GRIN2A: variants seen among roughly 807,000 people sequenced by gnomAD.
GRIN2A encodes glutamate ionotropic receptor NMDA type subunit 2A.
Under a neutral mutation model 113.4 loss-of-function variants are expected in GRIN2A, and 22 were observed. The observed-to-expected ratio is 0.19, with a 90% confidence interval of 0.14 to 0.28. The LOEUF is 0.28. Ranked by LOEUF, GRIN2A falls within the 10% of genes least tolerant of loss-of-function variation. The pLI is 1.00. For synonymous variants in GRIN2A, 827 were observed against 738.4 expected, an observed-to-expected ratio of 1.12 and a Z score of -1.94; for missense variants, 1,502 against 1,887.0, an observed-to-expected ratio of 0.80 and a Z score of 3.78.
intron 4 of GRIN2A, among the ~76,000 whole-genome samples, chr16:9,872,975 T>C (rs533228731): frequency 6.6e-6 from 1 of 152,044 alleles, no homozygotes; most frequent in Non-Finnish European, 1.5e-5. Context: ...AGCCCAAGAG[T>C]TCGAGGCTGC....
At chr16:9,838,282 A>G (rs1276279232) in intron 7 of GRIN2A, among the ~76,000 whole-genome samples, 1 of 152,186 alleles carries the variant, frequency 6.6e-6, no homozygotes, top group Non-Finnish European at 1.5e-5. Context: ...TTGATCCAGC[A>G]ATTTCACTAC....
chr16:10,182,294 G>C lies in GRIN2A; in HGVS notation c.-436C>G, dbSNP rs1360946671. 6.6e-6 allele frequency: 1 copy of C among 152,278 alleles called. No homozygotes were observed. The highest frequency in any genetic ancestry group is 1.9e-4 in the East Asian group (1 of 5,174). 9.4% of individuals were successfully genotyped at this position (152,278 alleles called of 1,614,324 possible). A position where few individuals can be genotyped will look rare whatever the true frequency, so the allele number is the denominator to read the frequency against. On this transcript the variant is annotated 5_prime_UTR_variant, in exon 1 of 13. Coordinates refer to ENST00000330684, the MANE Select transcript of GRIN2A (RefSeq NM_001134407.3). ...TCCACTCCAGGGTGCACAGGAGAAT[G>C]GGAGCCCCAGGTTGGCCACCCACGA... is the stretch of plus-strand genomic sequence containing the variant.
At chr16:10,130,203 T>C (rs1002267232) in intron 2 of GRIN2A, among the ~76,000 whole-genome samples, 1 of 152,172 alleles carries the variant, frequency 6.6e-6, no homozygotes, top group Admixed American at 6.5e-5. Flanking sequence ...GGAACGCTGG[T>C]CCCTGGGACT....
At chr16:10,110,302 A>G (rs889411605) in intron 2 of GRIN2A, among the ~76,000 whole-genome samples, 1 of 152,218 alleles carries the variant, frequency 6.6e-6, no homozygotes, top group African/African-American at 2.4e-5. Flanking sequence ...GAACGTGGTA[A>G]TGGATGAGAC....
rs528535550 is a variant in GRIN2A at position 9,997,296 on chromosome 16, C to G, written c.415-58745G>C. On this transcript the variant is annotated intron_variant, in intron 2 of 12. Transcript: ENST00000330684. ...AAAAGCTCTCACCATTCAACACTCC[C>G]CACTCCCAATGTTCCCACTCCAAAT... Among the ~76,000 whole-genome samples the G allele has an allele frequency of 2.6e-5, 4 of 152,230 alleles. No individual in the cohort carries two copies. The East Asian group carries it at 5.8e-4, about 22-fold the overall frequency.
intron 3 of GRIN2A, among the ~76,000 whole-genome samples, chr16:9,908,356 AGTTTT>A (rs142839965): frequency 0.027 from 4,110 of 151,966 alleles, 195 homozygotes; most frequent in African/African-American, 0.094. Context: ...GTGGAGGAGG[AGTTTT>A]GTTTTGTTTT....
Position 9,759,574 on chromosome 16 carries a change from A to G in GRIN2A, c.*3575T>C, listed in dbSNP as rs1182868676. 4.4e-6 allele frequency: 1 copy of G among 227,312 alleles called. No individual in the cohort carries two copies. Among genetic ancestry groups the G allele is most frequent in the African/African-American group, 2.2e-5 (1 of 45,034 alleles). The allele number at this position is 227,312 out of a possible 1,614,324, so 14.1% of individuals were successfully genotyped here. A position where few individuals can be genotyped will look rare whatever the true frequency, so the allele number is the denominator to read the frequency against. ...AAATGATTTGACAGATTTTGCTGCAATGTGTGAATTTTAATGCTTTCACCA... is the reference window on the plus strand; with the variant it reads ...AAATGATTTGACAGATTTTGCTGCAGTGTGTGAATTTTAATGCTTTCACCA... On this transcript the variant is annotated 3_prime_UTR_variant, in exon 13 of 13. Coordinates refer to ENST00000330684, the MANE Select transcript of GRIN2A (RefSeq NM_001134407.3).
intron 3 of GRIN2A, among the ~76,000 whole-genome samples, chr16:9,900,320 G>A (rs2043895988): frequency 6.6e-6 from 1 of 152,194 alleles, no homozygotes; most frequent in African/African-American, 2.4e-5. Flanking sequence ...CCTGGACTGG[G>A]CTTACTGGTA....
At chr16:9,870,628 C>CTTTTTTTTTTTTTT in intron 4 of GRIN2A, among the ~76,000 whole-genome samples, 1 of 138,190 alleles carries the variant, frequency 7.2e-6, no homozygotes, top group Admixed American at 7.3e-5. Context: ...AACTTTTTTT[C>CTTTTTTTTTTTTTT]TTTTTTTTTT....
At chr16:9,948,203 C>CAA (rs139047118) in intron 2 of GRIN2A, among the ~76,000 whole-genome samples, 2,680 of 152,332 alleles carry the variant, frequency 0.018, 36 homozygotes, top group Non-Finnish European at 0.024. Flanking sequence ...CAGAGATCTT[C>CAA]AAGTGCATTT....
intron 2 of GRIN2A, among the ~76,000 whole-genome samples, chr16:10,012,626 T>C (rs1363724495): frequency 6.6e-6 from 1 of 152,212 alleles, no homozygotes; most frequent in South Asian, 2.1e-4. Flanking sequence ...AAAGGGACTT[T>C]GCAGATGTGA....
intron 4 of GRIN2A, among the ~76,000 whole-genome samples, chr16:9,858,697 G>T (rs1291932764): frequency 6.6e-6 from 1 of 152,098 alleles, no homozygotes; most frequent in Non-Finnish European, 1.5e-5. Context: ...CTCCTAGAAA[G>T]ATTTTTTTTA....
chr16:10,177,256 C>T (rs536295709), intron 2 of GRIN2A, among the ~76,000 whole-genome samples: 192 of 152,342 alleles, frequency 1.3e-3, no homozygotes, highest in African/African-American at 4.5e-3. Context: ...AATACATCCC[C>T]AGTTTCTCAA....
Position 9,756,229 on chromosome 16 carries a change from G to T in GRIN2A, c.*6920C>A. On this transcript the variant is annotated 3_prime_UTR_variant, in exon 13 of 13. Coordinates refer to ENST00000330684, the MANE Select transcript of GRIN2A (RefSeq NM_001134407.3). ...GACTGATAAAAAGATGAGACATTAG[G>T]AAAGAGATATTTAAGATTAGGCACA... The T allele has an allele frequency of 4.4e-6, 1 of 227,444 alleles. No homozygotes were observed. The allele number at this position is 227,444 out of a possible 1,614,324, so 14.1% of individuals were successfully genotyped here.
intron 3 of GRIN2A, among the ~76,000 whole-genome samples, chr16:9,914,981 G>C (rs1365355619): frequency 8.2e-6 from 1 of 122,494 alleles, no homozygotes. Context: ...CTTTCATCCA[G>C]GCTGGAGTGC....
At chr16:9,854,529 CT>C (rs1003171317) in intron 4 of GRIN2A, among the ~76,000 whole-genome samples, 3 of 152,068 alleles carry the variant, frequency 2.0e-5, no homozygotes, top group Non-Finnish European at 4.4e-5. Flanking sequence ...CTCCAAATGC[CT>C]TTATTTAGAA....
At chr16:10,168,222 T>C (rs2142348209) in intron 2 of GRIN2A, among the ~76,000 whole-genome samples, 1 of 152,294 alleles carries the variant, frequency 6.6e-6, no homozygotes, top group Middle Eastern at 3.4e-3. Flanking sequence ...TGTGTGTGAG[T>C]TGATATATAC....
chr16:10,091,089 C>T (rs1255997232), intron 2 of GRIN2A, among the ~76,000 whole-genome samples: 1 of 152,186 alleles, frequency 6.6e-6, no homozygotes, highest in Non-Finnish European at 1.5e-5. Flanking sequence ...TTGTACATTG[C>T]TGATGGCAAT....
intron 3 of GRIN2A, among the ~76,000 whole-genome samples, chr16:9,936,938 T>C (rs981799565): frequency 1.3e-5 from 2 of 152,192 alleles, no homozygotes; most frequent in Admixed American, 6.5e-5. Flanking sequence ...TGGCAATAGA[T>C]GCTTCCATTT....
Sources: allele counts gnomAD v4.1 joint callset (sites outside exome capture counted in the v4.1 genomes callset), GRCh38; gene constraint gnomAD v4.1.1; transcripts MANE v1.5; gene names NCBI Gene and HGNC (gene_info 2026-07-23, HGNC 2026-07-21).